Variants in DPP9 observed in about 807,000 individuals in gnomAD.
DPP9 encodes the protein dipeptidyl peptidase IV-related protein-2.
DPP9 carries 50 observed loss-of-function variants against 110.7 expected under a neutral mutation model. That is an observed-to-expected ratio of 0.45 (90% CI 0.36 to 0.57). The LOEUF is 0.57. Among genes scored for constraint, DPP9 ranks in the 20% least tolerant of loss-of-function variants. The pLI is 0.00. For missense variants in DPP9, 1,022 were observed against 1,217.9 expected, an observed-to-expected ratio of 0.84 and a Z score of 2.39; for synonymous variants, 561 against 514.4, an observed-to-expected ratio of 1.09 and a Z score of -1.23.
intron 14 of DPP9, among the ~76,000 whole-genome samples, chr19:4,690,676 T>G (rs2145526907): frequency 6.6e-6 from 1 of 152,198 alleles, no homozygotes; most frequent in South Asian, 2.1e-4. Context: ...ATGATTGGCT[T>G]GTGTGTATGG....
In DPP9 at chr19:4,695,063, A is replaced by T; in HGVS notation, c.1354-240T>A. 1.7e-6 allele frequency: 1 copy of T among 596,616 alleles called. No homozygotes were observed. Among genetic ancestry groups the T allele is most frequent in the African/African-American group, 1.9e-5 (1 of 53,942 alleles). 37.0% of individuals were successfully genotyped at this position (596,616 alleles called of 1,614,324 possible). On this transcript the variant is annotated intron_variant, in intron 12 of 21. Coordinates refer to ENST00000262960, the MANE Select transcript of DPP9 (RefSeq NM_139159.5). The surrounding 1 kb of genome is among the most constrained non-coding windows in gnomAD (Gnocchi z 4.7). Reference sequence around the variant, plus strand: ...CTACTCTGGAGGCTGAGGTGGGAGGATCACTTAGGCCCAGGAGGTCAAGGC... The same window carrying T: ...CTACTCTGGAGGCTGAGGTGGGAGGTTCACTTAGGCCCAGGAGGTCAAGGC...
chr19:4,716,795 A>G (rs1316889708), intron 3 of DPP9, among the ~76,000 whole-genome samples: 2 of 152,132 alleles, frequency 1.3e-5, no homozygotes, highest in Non-Finnish European at 2.9e-5. Flanking sequence ...TGAATGAGCA[A>G]AAGGGGTTCA....
At chr19:4,681,563 C>CTAT (rs1333347255) in intron 20 of DPP9, among the ~76,000 whole-genome samples, 5 of 148,688 alleles carry the variant, frequency 3.4e-5, no homozygotes, top group Admixed American at 1.4e-4. Context: ...CGTTCCTGGC[C>CTAT]TATTATTATT....
In DPP9 at chr19:4,695,516, G is replaced by A; in HGVS notation, c.1215C>T (p.Leu405=). ...GGGCCGGGGGGAGGAGGACGAGCTGGAGCCACTGCTGGGGCCGGTCCAGGA... is the reference window on the plus strand; with the variant it reads ...GGGCCGGGGGGAGGAGGACGAGCTGAAGCCACTGCTGGGGCCGGTCCAGGA... ...AMFLDRPQQW[L]QLVLLPPALF... Residue 405 remains leucine, a synonymous_variant, in exon 12 of 22, where the codon CTC becomes CTT. Coordinates refer to ENST00000262960, the MANE Select transcript of DPP9 (RefSeq NM_139159.5). The surrounding 1 kb of genome is among the most constrained non-coding windows in gnomAD (Gnocchi z 4.7). 2.0e-6 allele frequency: 3 copies of A among 1,538,166 alleles called. No individual in the cohort carries two copies. Among genetic ancestry groups the A allele is most frequent in the Non-Finnish European group, 2.6e-6 (3 of 1,145,302 alleles).
Position 4,716,420 on chromosome 19 carries a change from G to A in DPP9, c.57-2083C>T, listed in dbSNP as rs541366879. On this transcript the variant is annotated intron_variant, in intron 3 of 21. Transcript: ENST00000262960. ...CGGGAGGCCAAGGCAGGAGGATCAT[G>A]AGATCAGCAGATCGAGACCATCCTG... Among the ~76,000 whole-genome samples the A allele has an allele frequency of 3.9e-5, 6 of 152,254 alleles. No homozygotes were observed. The South Asian group carries it at 1.2e-3, about 32-fold the overall frequency.
rs550345997 is a variant in DPP9 at position 4,692,341 on chromosome 19, C to T, written c.1517-1384G>A. On this transcript the variant is annotated intron_variant, in intron 13 of 21. Transcript: ENST00000262960. ...TAACCTTTTAGGTCTAAACAAGCTA[C>T]GGCAAACGTGTCTGTCAGGAGCACG... Among the ~76,000 whole-genome samples, 18 of 152,238 alleles carry T rather than the reference C, an allele frequency of 1.2e-4. No individual in the cohort carries two copies. The South Asian group carries it at 1.7e-3, about 14-fold the overall frequency.
chr19:4,695,791 C>T lies in DPP9; in HGVS notation c.1176-236G>A, dbSNP rs753462037. Among the ~76,000 whole-genome samples the T allele has an allele frequency of 1.3e-5, 2 of 152,170 alleles. No individual in the cohort carries two copies. The highest frequency in any genetic ancestry group is 2.9e-5 in the Non-Finnish European group (2 of 68,042). On this transcript the variant is annotated intron_variant, in intron 11 of 21. Coordinates refer to ENST00000262960, the MANE Select transcript of DPP9 (RefSeq NM_139159.5). This position sits in a 1 kb window ranked among gnomAD's most constrained non-coding sequence, Gnocchi z 4.7. ...TTTCATGATCCAAGTGTTCCGGAAACAATGGCCTAAGTCTCACAGCGGCAA... is the reference window on the plus strand; with the variant it reads ...TTTCATGATCCAAGTGTTCCGGAAATAATGGCCTAAGTCTCACAGCGGCAA...
chr19:4,695,575 G>A lies in DPP9; in HGVS notation c.1176-20C>T. On this transcript the variant is annotated intron_variant, in intron 11 of 21. Transcript: ENST00000262960. The surrounding 1 kb of genome is among the most constrained non-coding windows in gnomAD (Gnocchi z 4.7). ...CAGGCGCTAAGGGGGAAGATGCGGG[G>A]GAAGATGAGAGGGAAGCTGGGAGCC... 2.8e-6 allele frequency: 4 copies of A among 1,451,394 alleles called. No individual in the cohort carries two copies. Among genetic ancestry groups the A allele is most frequent in the Non-Finnish European group, 3.6e-6 (4 of 1,102,258 alleles). The allele number at this position is 1,451,394 out of a possible 1,614,324, so 89.9% of individuals were successfully genotyped here.
chr19:4,675,228 A>G lies in DPP9; in HGVS notation c.*1336T>C, dbSNP rs2088711943. On this transcript the variant is annotated 3_prime_UTR_variant, in exon 22 of 22. Coordinates refer to ENST00000262960, the MANE Select transcript of DPP9 (RefSeq NM_139159.5). ...TTAGAAGGAACCTCAGGCAGGTGAC[A>G]TGTTTCCAACTGGAATCGTTTAATG... 1 of 152,562 alleles carries G rather than the reference A, an allele frequency of 6.6e-6. No individual in the cohort carries two copies. Among genetic ancestry groups the G allele is most frequent in the Admixed American group, 6.5e-5 (1 of 15,268 alleles). The allele number at this position is 152,562 out of a possible 1,614,324, so 9.5% of individuals were successfully genotyped here. A position where few individuals can be genotyped will look rare whatever the true frequency, so the allele number is the denominator to read the frequency against.
intron 11 of DPP9, among the ~76,000 whole-genome samples, chr19:4,696,020 C>T (rs1427438555): frequency 6.6e-6 from 1 of 152,124 alleles, no homozygotes; most frequent in Non-Finnish European, 1.5e-5. Flanking sequence ...CCTGCCTCAG[C>T]CTCCTGAGTA....
rs368153683 is a variant in DPP9 at position 4,702,649 on chromosome 19, G to A, written c.837C>T (p.Phe279=). ...ACCACCAGTACCCAGTGAAGCGGTC[G>A]AACTCTTCCTGTATGACGAAGGTGG... The part of the protein sequence containing the change: ...GVATFVIQEE[F]DRFTGYWWCP... The change falls in exon 8 of 22, where the codon TTC becomes TTT. Residue 279 remains phenylalanine, a synonymous_variant. Transcript: ENST00000262960. 2.6e-5 allele frequency: 42 copies of A among 1,604,084 alleles called. No homozygotes were observed. The highest frequency in any genetic ancestry group is 1.6e-4 in the Middle Eastern group (1 of 6,070).
In DPP9 at chr19:4,685,719, C is replaced by G; in HGVS notation, c.1938G>C (p.Ser646=). 6.2e-7 allele frequency: 1 copy of G among 1,613,474 alleles called. No homozygotes were observed. The highest frequency in any genetic ancestry group is 8.5e-7 in the Non-Finnish European group (1 of 1,179,836). ...PPEIFHFHTR[S]DVRLYGMIYK... is the part of the protein sequence containing the mutation. ...AGATCATGCCGTAGAGCCGCACATC[C>G]GAGCGCGTGTGGAAATGGAAGATCT... The change falls in exon 17 of 22, where the codon TCG becomes TCC. Residue 646 remains serine (S), a synonymous_variant. Transcript: ENST00000262960. The surrounding 1 kb of genome is among the most constrained non-coding windows in gnomAD (Gnocchi z 5.8).
At position 4,704,767 on chromosome 19, in the gene DPP9, G is replaced by A. The variant is rs926306999; in HGVS notation, c.427-463C>T. ...CGTAATCCCAGCACTTTGGGAGGCCGAGGTGGGCAGATCACGAGGTCAGAA... is the reference window on the plus strand; with the variant it reads ...CGTAATCCCAGCACTTTGGGAGGCCAAGGTGGGCAGATCACGAGGTCAGAA... On this transcript the variant is annotated intron_variant, in intron 5 of 21. Transcript: ENST00000262960. This position sits in a 1 kb window ranked among gnomAD's most constrained non-coding sequence, Gnocchi z 6.0. Among the ~76,000 whole-genome samples the A allele has an allele frequency of 7.2e-5, 11 of 152,154 alleles. No homozygotes were observed. The highest frequency in any genetic ancestry group is 1.7e-4 in the African/African-American group (7 of 41,428).
rs2090634048 is a variant in DPP9 at position 4,685,919 on chromosome 19, C to T, written c.1886-148G>A. 3.3e-6 allele frequency: 3 copies of T among 909,274 alleles called. No individual in the cohort carries two copies. The highest frequency in any genetic ancestry group is 4.8e-6 in the Non-Finnish European group (3 of 623,876). 56.3% of individuals were successfully genotyped at this position (909,274 alleles called of 1,614,324 possible). ...CCCGAGAGTTGATAATTGAAAAAAA[C>T]GTTTTTTTTTCATTAAATAAGATTT... On this transcript the variant is annotated intron_variant, in intron 16 of 21. Coordinates refer to ENST00000262960, the MANE Select transcript of DPP9 (RefSeq NM_139159.5). This position sits in a 1 kb window ranked among gnomAD's most constrained non-coding sequence, Gnocchi z 5.8.
chr19:4,716,214 G>T (rs2093067308), intron 3 of DPP9: 1 of 152,294 alleles, frequency 6.6e-6, no homozygotes, highest in African/African-American at 2.4e-5. Flanking sequence ...CAGTGTGCCA[G>T]TTCCCAGAAG....
At chr19:4,691,865 A>G (rs2145551757) in intron 13 of DPP9, among the ~76,000 whole-genome samples, 1 of 151,152 alleles carries the variant, frequency 6.6e-6, no homozygotes, top group South Asian at 2.1e-4. Flanking sequence ...TTTAGTAGAG[A>G]CGGGGTTTCA....
At position 4,684,132 on chromosome 19, in the gene DPP9, T is replaced by C; in HGVS notation, c.2179-503A>G. Reference sequence around the variant, plus strand: ...GACTGATCCATGGGGCCCACTCATGTGAATGGGATGAGGGGCCCTTATAAA... The same window carrying C: ...GACTGATCCATGGGGCCCACTCATGCGAATGGGATGAGGGGCCCTTATAAA... On this transcript the variant is annotated intron_variant, in intron 18 of 21. Transcript: ENST00000262960. The surrounding 1 kb of genome is among the most constrained non-coding windows in gnomAD (Gnocchi z 4.8). The C allele has an allele frequency of 3.4e-6, 1 of 298,298 alleles. No individual in the cohort carries two copies. The highest frequency in any genetic ancestry group is 6.6e-6 in the Non-Finnish European group (1 of 150,714). 18.5% of individuals were successfully genotyped at this position (298,298 alleles called of 1,614,324 possible).
chr19:4,676,546 G>A lies in DPP9; in HGVS notation c.*18C>T, dbSNP rs1332805021. ...GCAGCCACTTGTGCTGTGATGTGGC[G>A]GCTCCCGGTGGGCAGGCTCAGAGGT... On this transcript the variant is annotated 3_prime_UTR_variant, in exon 22 of 22. Transcript: ENST00000262960. The surrounding 1 kb of genome is among the most constrained non-coding windows in gnomAD (Gnocchi z 4.0). 1 of 1,581,128 alleles carries A rather than the reference G, an allele frequency of 6.3e-7. No homozygotes were observed. The highest frequency in any genetic ancestry group is 8.6e-7 in the Non-Finnish European group (1 of 1,163,366).
At position 4,689,489 on chromosome 19, in the gene DPP9, T is replaced by C; in HGVS notation, c.1749+81A>G. On this transcript the variant is annotated intron_variant, in intron 15 of 21. Coordinates refer to ENST00000262960, the MANE Select transcript of DPP9 (RefSeq NM_139159.5). The surrounding 1 kb of genome is among the most constrained non-coding windows in gnomAD (Gnocchi z 7.0). ...AGACCATGAGAATGACCCTGAGTGC[T>C]GTGCCGGGCCATGAGGGACTGCTCT... The C allele has an allele frequency of 2.0e-6, 3 of 1,484,644 alleles. No homozygotes were observed. Among genetic ancestry groups the C allele is most frequent in the Non-Finnish European group, 2.7e-6 (3 of 1,114,086 alleles). The allele number at this position is 1,484,644 out of a possible 1,614,324, so 92.0% of individuals were successfully genotyped here. A position where few individuals can be genotyped will look rare whatever the true frequency, so the allele number is the denominator to read the frequency against.
Sources: gnomAD v4.1 joint callset for allele counts (sites outside exome capture counted in the v4.1 genomes callset) on GRCh38, gnomAD v4.1.1 for gene constraint, Gnocchi (gnomAD v3.1) non-coding constraint, MANE v1.5 for transcripts, NCBI Gene and HGNC (gene_info 2026-07-23, HGNC 2026-07-21) for gene names.